SYT9: variants seen among roughly 807,000 people sequenced by gnomAD.
SYT9 encodes the protein synaptotagmin-9.
Under a neutral mutation model 48.4 loss-of-function variants are expected in SYT9, and 22 were observed. The observed-to-expected ratio is 0.45, with a 90% CI of 0.32 to 0.65. SYT9 has a LOEUF of 0.65. Ranked by LOEUF, SYT9 falls within the 30% of genes least tolerant of loss-of-function variation. The probability of loss-of-function intolerance (pLI) is 0.03; values close to 1 mark genes in which losing one functional copy is unlikely to be tolerated. For missense variants in SYT9, 577 were observed against 622.0 expected, an observed-to-expected ratio of 0.93 and a Z score of 0.77; for synonymous variants, 265 against 245.0, an observed-to-expected ratio of 1.08 and a Z score of -0.76.
At chr11:7,372,597 G>A (rs1191313045) in intron 3 of SYT9, among the ~76,000 whole-genome samples, 1 of 152,030 alleles carries the variant, frequency 6.6e-6, no homozygotes, top group Non-Finnish European at 1.5e-5. Context: ...TTGAATTCTT[G>A]GCTTCAAGCA....
At chr11:7,393,253 T>C (rs546039866) in intron 3 of SYT9, among the ~76,000 whole-genome samples, 67 of 151,868 alleles carry the variant, frequency 4.4e-4, no homozygotes, top group Non-Finnish European at 9.0e-4. Flanking sequence ...GATGGCTCTT[T>C]CTATTTTGAG....
intron 3 of SYT9, among the ~76,000 whole-genome samples, chr11:7,333,945 C>T (rs1849588759): frequency 6.6e-6 from 1 of 152,208 alleles, no homozygotes; most frequent in African/African-American, 2.4e-5. Flanking sequence ...TAATTACTCA[C>T]ATGTGTTATT....
At chr11:7,321,713 A>G (rs1401898878) in intron 3 of SYT9, among the ~76,000 whole-genome samples, 2 of 152,200 alleles carry the variant, frequency 1.3e-5, no homozygotes, top group African/African-American at 2.4e-5. Context: ...GCTGTTGGCA[A>G]CTGAATATAT....
chr11:7,372,871 T>G (rs1850388119), intron 3 of SYT9, among the ~76,000 whole-genome samples: 1 of 152,156 alleles, frequency 6.6e-6, no homozygotes, highest in South Asian at 2.1e-4. Context: ...TGAGTAATTG[T>G]GGTGACAGCC....
intron 1 of SYT9, among the ~76,000 whole-genome samples, chr11:7,295,397 C>A (rs1848780831): frequency 6.6e-6 from 1 of 152,222 alleles, no homozygotes; most frequent in Admixed American, 6.5e-5. Flanking sequence ...ACAAGGATCA[C>A]CTTTCTTCCA....
At chr11:7,345,995 C>T (rs1849792790) in intron 3 of SYT9, among the ~76,000 whole-genome samples, 1 of 152,194 alleles carries the variant, frequency 6.6e-6, no homozygotes, top group Non-Finnish European at 1.5e-5. Flanking sequence ...TGGTCAGAGT[C>T]ACTCTGACTG....
At chr11:7,347,935 G>C (rs1849833541) in intron 3 of SYT9, among the ~76,000 whole-genome samples, 2 of 152,178 alleles carry the variant, frequency 1.3e-5, no homozygotes, top group African/African-American at 4.8e-5. Context: ...CATCAGAGCA[G>C]GAAGCAATTC....
chr11:7,279,296 G>A (rs537617154), intron 1 of SYT9, among the ~76,000 whole-genome samples: 1 of 152,302 alleles, frequency 6.6e-6, no homozygotes, highest in Non-Finnish European at 1.5e-5. Context: ...TATTGATAGA[G>A]TCTGTCTTGA....
intron 1 of SYT9, among the ~76,000 whole-genome samples, chr11:7,272,515 A>G (rs954260640): frequency 7.9e-5 from 12 of 151,954 alleles, no homozygotes; most frequent in Non-Finnish European, 2.9e-5. Flanking sequence ...TTAAGTGACA[A>G]TGTAATGCAA....
At chr11:7,457,651 G>GAGCT (rs1342685215) in intron 6 of SYT9, 2 of 152,172 alleles carry the variant, frequency 1.3e-5, no homozygotes, top group African/African-American at 4.8e-5. Flanking sequence ...AAGCAACTGA[G>GAGCT]AGCTAGCTCT....
intron 3 of SYT9, among the ~76,000 whole-genome samples, chr11:7,408,131 TTTTG>T (rs147454828): frequency 0.014 from 2,136 of 152,258 alleles, 44 homozygotes; most frequent in African/African-American, 0.047. Flanking sequence ...GATTTTGTTT[TTTTG>T]TTTGTTTGTT....
At chr11:7,316,798 G>T (rs1282289799) in intron 3 of SYT9, among the ~76,000 whole-genome samples, 1 of 152,178 alleles carries the variant, frequency 6.6e-6, no homozygotes, top group Non-Finnish European at 1.5e-5. Flanking sequence ...AACTCTTGCA[G>T]TTGCCACACT....
At chr11:7,255,569 G>T (rs1420086964) in intron 1 of SYT9, among the ~76,000 whole-genome samples, 2 of 152,154 alleles carry the variant, frequency 1.3e-5, no homozygotes, top group Admixed American at 1.3e-4. Context: ...GGTAATGGAG[G>T]TGATGAGAAG....
At chr11:7,295,468 C>G (rs1848783254) in intron 1 of SYT9, among the ~76,000 whole-genome samples, 1 of 152,174 alleles carries the variant, frequency 6.6e-6, no homozygotes, top group African/African-American at 2.4e-5. Flanking sequence ...CTTTACTGTT[C>G]ATATACTACC....
intron 3 of SYT9, among the ~76,000 whole-genome samples, chr11:7,341,974 A>G (rs1849720950): frequency 6.6e-6 from 1 of 152,158 alleles, no homozygotes; most frequent in Non-Finnish European, 1.5e-5. Flanking sequence ...GCCAAGTGAA[A>G]GGGGAAACCC....
chr11:7,297,159 A>G (rs1210028365), intron 1 of SYT9, among the ~76,000 whole-genome samples: 3 of 152,046 alleles, frequency 2.0e-5, no homozygotes, highest in Non-Finnish European at 2.9e-5. Context: ...ATGCTTGCTA[A>G]AAATGGAGAC....
intron 3 of SYT9, among the ~76,000 whole-genome samples, chr11:7,317,795 C>G (rs1201618382): frequency 6.6e-6 from 1 of 152,182 alleles, no homozygotes; most frequent in East Asian, 1.9e-4. Flanking sequence ...TTTCTGGATT[C>G]TCTTTTCTAT....
At chr11:7,408,419 T>C (rs1310044229) in intron 3 of SYT9, among the ~76,000 whole-genome samples, 2 of 152,232 alleles carry the variant, frequency 1.3e-5, no homozygotes, top group African/African-American at 4.8e-5. Context: ...TGAGCCACCA[T>C]GCCCAGCCAG....
intron 1 of SYT9, among the ~76,000 whole-genome samples, chr11:7,281,843 A>T (rs1053002086): frequency 7.9e-5 from 12 of 152,170 alleles, no homozygotes; most frequent in African/African-American, 2.9e-4. Context: ...TCTCGCTGTT[A>T]TGCTTGTAAG....
Sources: allele counts gnomAD v4.1 joint callset (sites outside exome capture counted in the v4.1 genomes callset), GRCh38; gene constraint gnomAD v4.1.1; transcripts MANE v1.5; gene names NCBI Gene and HGNC (gene_info 2026-07-23, HGNC 2026-07-21).